Variants in FGFR2 observed in about 807,000 individuals in gnomAD.
FGFR2 encodes the protein fibroblast growth factor receptor 2, also known as BEK fibroblast growth factor receptor.
FGFR2 carries 19 observed loss-of-function variants against 95.9 expected under a neutral mutation model. That is an observed-to-expected ratio of 0.20 (90% confidence interval 0.14 to 0.29). FGFR2 has a LOEUF of 0.29. Among genes scored for constraint, FGFR2 ranks in the 10% least tolerant of loss-of-function variants. FGFR2 has a pLI of 1.00. For missense variants in FGFR2, 707 were observed against 1,056.9 expected, an observed-to-expected ratio of 0.67 and a Z score of 4.59; for synonymous variants, 392 against 393.3, an observed-to-expected ratio of 1.00 and a Z score of 0.04.
intron 2 of FGFR2, among the ~76,000 whole-genome samples, chr10:121,568,965 C>T (rs185292678): frequency 3.3e-5 from 5 of 152,260 alleles, no homozygotes; most frequent in African/African-American, 9.6e-5. Context: ...CTCTCCATTC[C>T]TGCTTAACCT....
At chr10:121,587,430 C>A (rs1219447545) in intron 2 of FGFR2, among the ~76,000 whole-genome samples, 1 of 152,162 alleles carries the variant, frequency 6.6e-6, no homozygotes, top group Admixed American at 6.5e-5. Flanking sequence ...AACTTAAGAG[C>A]TTCTGCACAG....
Position 121,507,893 on chromosome 10 carries a change from C to A in FGFR2, c.1288-3952G>T, listed in dbSNP as rs191205518. On this transcript the variant is annotated intron_variant, in intron 9 of 17. Coordinates refer to ENST00000358487, the MANE Select transcript of FGFR2 (RefSeq NM_000141.5). ...GTGGGTTCCGCATTCATGGTTTCAA[C>A]CAATCACAGATCAAAAATATTTGAA... 5.1e-3 allele frequency among the ~76,000 whole-genome samples: 775 copies of A among 152,136 alleles called. 5 individuals are homozygous for A. Among genetic ancestry groups the A allele is most frequent in the African/African-American group, 0.018 (733 of 41,484 alleles).
intron 1 of FGFR2, among the ~76,000 whole-genome samples, chr10:121,595,615 ATACATGT>A (rs1475772828): frequency 3.9e-5 from 6 of 152,236 alleles, no homozygotes; most frequent in African/African-American, 1.4e-4. Flanking sequence ...CTATTTCTAC[ATACATGT>A]GGGAGGAAAG....
chr10:121,511,125 T>G (rs2134170086), intron 9 of FGFR2, among the ~76,000 whole-genome samples: 1 of 151,794 alleles, frequency 6.6e-6, no homozygotes, highest in African/African-American at 2.4e-5. Context: ...TTTTCTCTGG[T>G]TTTCAGCCTA....
chr10:121,573,554 GA>G lies in FGFR2; in HGVS notation c.110-7851del, dbSNP rs41302287. 3.2e-3 allele frequency among the ~76,000 whole-genome samples: 487 copies of G among 152,180 alleles called. 2 individuals are homozygous for G. The highest frequency in any genetic ancestry group is 0.011 in the African/African-American group (452 of 41,514). On this transcript the variant is annotated intron_variant, in intron 2 of 17. Transcript: ENST00000358487. ...GAGACAGAAGGATGAAAGAGAGGGA[GA>G]GGGGGAAAAAGGAGAGGAGAGACGG...
intron 2 of FGFR2, among the ~76,000 whole-genome samples, chr10:121,582,928 C>T (rs971495588): frequency 6.6e-6 from 1 of 152,162 alleles, no homozygotes; most frequent in Non-Finnish European, 1.5e-5. Flanking sequence ...AAACCAGCCT[C>T]GATTCACCTA....
chr10:121,488,458 T>G (rs1205719191), intron 13 of FGFR2, among the ~76,000 whole-genome samples: 1 of 150,078 alleles, frequency 6.7e-6, no homozygotes, highest in Non-Finnish European at 1.5e-5. Flanking sequence ...CAAGAATCAC[T>G]TGAACCTGGG....
intron 13 of FGFR2, among the ~76,000 whole-genome samples, chr10:121,492,402 ACACT>A (rs1375800047): frequency 6.6e-6 from 1 of 151,726 alleles, no homozygotes; most frequent in South Asian, 2.1e-4. Context: ...CAACACTCAC[ACACT>A]CACGCACACA....
chr10:121,524,307 T>C (rs554843908), intron 6 of FGFR2, among the ~76,000 whole-genome samples: 5 of 152,328 alleles, frequency 3.3e-5, no homozygotes, highest in African/African-American at 1.2e-4. Flanking sequence ...TCACTTCTGG[T>C]AGAAAAACTG....
chr10:121,590,963 GCACGCACGCACGCA>G (rs1411414634), intron 2 of FGFR2, among the ~76,000 whole-genome samples: 6 of 151,388 alleles, frequency 4.0e-5, no homozygotes, highest in Non-Finnish European at 8.8e-5. Context: ...AGGGGCACAG[GCACGCACGCACGCA>G]CGCGCACTCG....
At position 121,595,649 on chromosome 10, in the gene FGFR2, T is replaced by C. The variant is rs41301559; in HGVS notation, c.-150-1682A>G. Among the ~76,000 whole-genome samples the C allele has an allele frequency of 1.8e-3, 276 of 152,366 alleles. 1 individual carries two copies. The highest frequency in any genetic ancestry group is 6.3e-3 in the African/African-American group (263 of 41,596). Reference sequence around the variant, plus strand: ...GGAGGAAAGTACACAAACATTCTCATTGATTTACTAAGCATTTGCAGAATG... The same window carrying C: ...GGAGGAAAGTACACAAACATTCTCACTGATTTACTAAGCATTTGCAGAATG... On this transcript the variant is annotated intron_variant, in intron 1 of 17. Transcript: ENST00000358487.
intron 5 of FGFR2, among the ~76,000 whole-genome samples, chr10:121,547,356 A>T (rs577873722): frequency 6.6e-6 from 1 of 152,156 alleles, no homozygotes; most frequent in East Asian, 1.9e-4. Flanking sequence ...TGAAAATAAC[A>T]ATATAGTTCC....
Position 121,564,579 on chromosome 10 carries a change from T to A in FGFR2, c.377A>T (p.Asp126Val), listed in dbSNP as rs1337077719. 6.2e-7 allele frequency: 1 copy of A among 1,613,866 alleles called. No individual in the cohort carries two copies. Among genetic ancestry groups the A allele is most frequent in the South Asian group, 1.1e-5 (1 of 91,082 alleles). The change falls in exon 4 of 18, where the codon GAT becomes GTT. Residue 126 changes from aspartate to valine, a missense_variant and splice_region_variant. Physicochemically the swap from Asp to Val is radical, Grantham distance 152 (BLOSUM62 -3). This residue lies in a region of FGFR2 where 178 missense variants were observed against 194.1 expected (regional missense o/e 0.92). Transcript: ENST00000358487. ...ETWYFMVNVTDAISSGDDEDD... is the reference protein window; with the variant it reads ...ETWYFMVNVTVAISSGDDEDD... ...CTCATCATCTCCGGATGAGATGGCA[T>A]CTGTATGCAAAAGAACATATTCCAT...
intron 8 of FGFR2, among the ~76,000 whole-genome samples, chr10:121,515,580 G>A (rs934496620): frequency 1.3e-5 from 2 of 152,020 alleles, no homozygotes; most frequent in Non-Finnish European, 2.9e-5. Flanking sequence ...CACAGGGCAG[G>A]CTATGAGGCC....
intron 5 of FGFR2, 116 bp from the exon 6 acceptor site, chr10:121,538,831 C>CCTAAATT: frequency 7.5e-7 from 1 of 1,329,970 alleles, no homozygotes; most frequent in Non-Finnish European, 1.1e-6. Context: ...GGAAGAATCA[C>CCTAAATT]CTAAATTCTA....
chr10:121,573,608 A>G (rs1859204602), intron 2 of FGFR2, among the ~76,000 whole-genome samples: 1 of 151,838 alleles, frequency 6.6e-6, no homozygotes, highest in Admixed American at 6.6e-5. Flanking sequence ...GGAGAGAAAC[A>G]GAGGGAGGGA....
chr10:121,555,111 C>T (rs1398942583), intron 4 of FGFR2, among the ~76,000 whole-genome samples: 26 of 152,138 alleles, frequency 1.7e-4, no homozygotes, highest in Admixed American at 1.2e-3. Flanking sequence ...CGGTGGCTCA[C>T]GCCTGTAATC....
chr10:121,496,815 C>CTTTT, intron 12 of FGFR2, 93 bp from the exon 13 acceptor site: 1 of 874,480 alleles, frequency 1.1e-6, no homozygotes, highest in Non-Finnish European at 1.7e-6. Context: ...ACAACCCATG[C>CTTTT]TTTTTTTTTT....
chr10:121,596,689 C>A (rs934459569), intron 1 of FGFR2: 3 of 196,968 alleles, frequency 1.5e-5, no homozygotes, highest in Non-Finnish European at 3.2e-5. Context: ...ACAAAGCCCT[C>A]CCGGTTTAAT....
Sources: allele counts gnomAD v4.1 joint callset (sites outside exome capture counted in the v4.1 genomes callset), GRCh38; gene constraint gnomAD v4.1.1; regional missense constraint gnomAD v4.1.1; transcripts MANE v1.5; gene names NCBI Gene and HGNC (gene_info 2026-07-23, HGNC 2026-07-21).